The following NRG3 variants were observed in gnomAD, a reference collection of about 807,000 sequenced individuals.
NRG3 encodes neuregulin 3.
NRG3 carries 31 observed loss-of-function variants against 66.9 expected under a neutral mutation model. The ratio of observed to expected loss-of-function variants is 0.46; its 90% confidence interval spans 0.35 to 0.63. The LOEUF (loss-of-function observed/expected upper bound fraction) is 0.63, where lower values mean the gene tolerates loss of function less well. NRG3 is among the 20% of genes least tolerant of loss of function. The pLI is 0.00. For missense variants in NRG3, 910 were observed against 878.9 expected, an observed-to-expected ratio of 1.04 and a Z score of -0.45; for synonymous variants, 393 against 359.4, an observed-to-expected ratio of 1.09 and a Z score of -1.06.
intron 3 of NRG3, among the ~76,000 whole-genome samples, chr10:82,780,156 A>G (rs568492703): frequency 2.7e-4 from 41 of 152,210 alleles, no homozygotes; most frequent in African/African-American, 9.6e-4. Context: ...AGTCTTTGCT[A>G]TTGTTAACAG....
chr10:82,137,180 G>A (rs1001043276), intron 1 of NRG3, among the ~76,000 whole-genome samples: 2 of 152,224 alleles, frequency 1.3e-5, no homozygotes, highest in Middle Eastern at 3.4e-3. Flanking sequence ...ACCAATACTC[G>A]TGAGCTTGTT....
chr10:82,087,340 C>T (rs2065785901), intron 1 of NRG3, among the ~76,000 whole-genome samples: 1 of 152,120 alleles, frequency 6.6e-6, no homozygotes, highest in Non-Finnish European at 1.5e-5. Flanking sequence ...CAAAGCCCGC[C>T]TCTTTTGTGA....
At chr10:81,951,779 C>A (rs907374736) in intron 1 of NRG3, among the ~76,000 whole-genome samples, 1 of 152,158 alleles carries the variant, frequency 6.6e-6, no homozygotes, top group Non-Finnish European at 1.5e-5. Flanking sequence ...TGGGTATATA[C>A]CCAAAGGATT....
intron 3 of NRG3, among the ~76,000 whole-genome samples, chr10:82,749,892 C>G (rs1459863201): frequency 6.6e-6 from 1 of 152,068 alleles, no homozygotes; most frequent in Non-Finnish European, 1.5e-5. Flanking sequence ...CAAAAGGGTC[C>G]AGCACATTGG....
intron 2 of NRG3, among the ~76,000 whole-genome samples, chr10:82,516,589 C>T (rs886836355): frequency 4.6e-5 from 7 of 152,230 alleles, no homozygotes; most frequent in African/African-American, 1.4e-4. Flanking sequence ...ATGAGGATGT[C>T]AAAGTAACCC....
At chr10:82,469,064 A>G (rs1054583100) in intron 2 of NRG3, among the ~76,000 whole-genome samples, 5 of 152,222 alleles carry the variant, frequency 3.3e-5, no homozygotes, top group African/African-American at 1.2e-4. Context: ...CCTGAAGCTC[A>G]TCACATGCAT....
chr10:82,250,560 C>T (rs1308317631), intron 1 of NRG3, among the ~76,000 whole-genome samples: 1 of 152,152 alleles, frequency 6.6e-6, no homozygotes, highest in Non-Finnish European at 1.5e-5. Flanking sequence ...TGCACTCCAG[C>T]TTGGGCAACA....
At chr10:82,157,095 T>C (rs1329965940) in intron 1 of NRG3, among the ~76,000 whole-genome samples, 2 of 151,798 alleles carry the variant, frequency 1.3e-5, no homozygotes, top group Admixed American at 6.6e-5. Context: ...GCTTTGGGTA[T>C]CTTTGAATGT....
chr10:81,989,152 A>G (rs1226366417), intron 1 of NRG3, among the ~76,000 whole-genome samples: 4 of 152,308 alleles, frequency 2.6e-5, no homozygotes, highest in African/African-American at 9.6e-5. Flanking sequence ...GGCTATAGGA[A>G]TAGGATATTG....
At chr10:81,975,602 A>G (rs1388609379) in intron 1 of NRG3, among the ~76,000 whole-genome samples, 1 of 152,120 alleles carries the variant, frequency 6.6e-6, no homozygotes, top group Non-Finnish European at 1.5e-5. Flanking sequence ...CACTGTGTGC[A>G]ACTAGAGTCT....
At chr10:81,957,284 G>C (rs1849929384) in intron 1 of NRG3, among the ~76,000 whole-genome samples, 1 of 152,086 alleles carries the variant, frequency 6.6e-6, no homozygotes, top group Non-Finnish European at 1.5e-5. Flanking sequence ...TGAAATTTTA[G>C]AGCTCATTCA....
chr10:82,078,892 G>A (rs1338048068), intron 1 of NRG3, among the ~76,000 whole-genome samples: 2 of 152,140 alleles, frequency 1.3e-5, no homozygotes, highest in East Asian at 1.9e-4. Context: ...CTGGGGAAAG[G>A]ACATAGCAAA....
At chr10:82,535,164 G>A (rs1333293771) in intron 2 of NRG3, among the ~76,000 whole-genome samples, 1 of 147,626 alleles carries the variant, frequency 6.8e-6, no homozygotes, top group Non-Finnish European at 1.5e-5. Flanking sequence ...GTTCTGAGAA[G>A]GTCCCACACC....
At chr10:82,931,916 C>T (rs888729743) in intron 4 of NRG3, among the ~76,000 whole-genome samples, 2 of 152,112 alleles carry the variant, frequency 1.3e-5, no homozygotes, top group Non-Finnish European at 2.9e-5. Flanking sequence ...CCTCATACAT[C>T]GTTTAGCCTC....
chr10:82,392,894 A>ATTTT lies in NRG3; in HGVS notation c.953+34027_953+34028insTTTT, dbSNP rs68069830. On this transcript the variant is annotated intron_variant, in intron 2 of 8. Transcript: ENST00000372141. Reference sequence around the variant, plus strand: ...GAGGTGAGGTCATATATATATATATATATATTTTTTGCAGGCTTCATATGA... The same window carrying ATTTT: ...GAGGTGAGGTCATATATATATATATATTTTTATATTTTTTGCAGGCTTCATATGA... 4.3e-3 allele frequency among the ~76,000 whole-genome samples: 628 copies of ATTTT among 147,190 alleles called. 4 individuals carry two copies. Among genetic ancestry groups the ATTTT allele is most frequent in the African/African-American group, 0.015 (583 of 38,038 alleles).
intron 4 of NRG3, among the ~76,000 whole-genome samples, chr10:82,913,940 CT>C (rs1845579798): frequency 6.6e-6 from 1 of 152,102 alleles, no homozygotes; most frequent in East Asian, 1.9e-4. Flanking sequence ...TGTGTTATAT[CT>C]TTTTAAAATT....
At chr10:81,911,755 C>G (rs1015462017) in intron 1 of NRG3, among the ~76,000 whole-genome samples, 1 of 151,460 alleles carries the variant, frequency 6.6e-6, no homozygotes, top group Middle Eastern at 3.4e-3. Context: ...ACCCCAAACC[C>G]GAAACCAACC....
chr10:81,909,794 A>G (rs1257816405), intron 1 of NRG3, among the ~76,000 whole-genome samples: 9 of 152,196 alleles, frequency 5.9e-5, no homozygotes, highest in Non-Finnish European at 1.3e-4. Flanking sequence ...ATTTAAATGT[A>G]AGACATTCAA....
chr10:82,491,316 A>ATATATATATATATACATATATAT (rs1389375279), intron 2 of NRG3, among the ~76,000 whole-genome samples: 1 of 136,820 alleles, frequency 7.3e-6, no homozygotes, highest in Non-Finnish European at 1.6e-5. Context: ...ATATATATAT[A>ATATATATATATATACATATATAT]AAATAAAGAT....
Sources: gnomAD v4.1 joint callset for allele counts (sites outside exome capture counted in the v4.1 genomes callset) on GRCh38, gnomAD v4.1.1 for gene constraint, MANE v1.5 for transcripts, NCBI Gene and HGNC (gene_info 2026-07-23, HGNC 2026-07-21) for gene names.